C5: variants seen among roughly 807,000 people sequenced by gnomAD.
C5 encodes C3 and PZP-like alpha-2-macroglobulin domain-containing protein 4.
Under a neutral mutation model 218.8 loss-of-function variants are expected in C5, and 140 were observed. That is an observed-to-expected ratio of 0.64 (90% CI 0.56 to 0.74). The LOEUF is 0.74. Among genes scored for constraint, C5 ranks in the 30% least tolerant of loss-of-function variants. C5 has a pLI of 0.00. For synonymous variants in C5, 614 were observed against 682.3 expected (o/e 0.90, Z 1.56); for missense variants, 1,700 against 1,969.6 (o/e 0.86, Z 2.59).
chr9:121,052,516 A>C (rs1000787757), upstream of C5, among the ~76,000 whole-genome samples: 3 of 151,910 alleles, frequency 2.0e-5, no homozygotes, highest in Non-Finnish European at 4.4e-5. Flanking sequence ...ACCTTTGGTA[A>C]GCCTTTCATT....
chr9:120,983,068 T>C (rs1443095511), intron 25 of C5, among the ~76,000 whole-genome samples: 1 of 152,188 alleles, frequency 6.6e-6, no homozygotes, highest in African/African-American at 2.4e-5. Context: ...TGATTCCTGA[T>C]GATAAGAATT....
chr9:120,961,723 C>G (rs1392730060), intron 36 of C5, among the ~76,000 whole-genome samples, 158 bp from the exon 37 acceptor site: 3 of 152,030 alleles, frequency 2.0e-5, no homozygotes, highest in East Asian at 3.8e-4. Flanking sequence ...AATTGGCTGT[C>G]CTGGGAAGGG....
chr9:121,071,660 G>A, the C5 span, among the ~76,000 whole-genome samples: 1 of 152,142 alleles, frequency 6.6e-6, no homozygotes, highest in Admixed American at 6.5e-5. Flanking sequence ...ACTGAAACCT[G>A]GGTGACAGAG....
intron 33 of C5, among the ~76,000 whole-genome samples, chr9:120,968,052 A>G (rs2131677894): frequency 6.6e-6 from 1 of 152,276 alleles, no homozygotes; most frequent in Middle Eastern, 3.4e-3. Context: ...ATGTTTTAGG[A>G]TGGTGGCTGT....
At chr9:120,963,486 A>C in intron 34 of C5, 150 bp downstream of exon 34, 1 of 660,782 alleles carries the variant, frequency 1.5e-6, no homozygotes, top group Non-Finnish European at 2.7e-6. Context: ...CTGGGCAACA[A>C]GAGTGAAAAT....
intron 11 of C5, 91 bp downstream of exon 11, chr9:121,021,418 A>C: frequency 9.8e-7 from 1 of 1,019,572 alleles, no homozygotes; most frequent in Non-Finnish European, 1.5e-6. Flanking sequence ...CTCATGTGTA[A>C]AATCTGCCGC....
intron 11 of C5, 45 bp from the exon 12 acceptor site, chr9:121,020,224 G>T: frequency 7.7e-7 from 1 of 1,304,272 alleles, no homozygotes; most frequent in Non-Finnish European, 1.1e-6. Context: ...GTGATGTAAT[G>T]CTTTCTGTAA....
intron 26 of C5, among the ~76,000 whole-genome samples, chr9:120,982,149 C>T (rs1057271782): frequency 6.6e-6 from 1 of 152,190 alleles, no homozygotes; most frequent in African/African-American, 2.4e-5. Flanking sequence ...GTAGCTGGTA[C>T]TACAGGCGTG....
intron 30 of C5, among the ~76,000 whole-genome samples, chr9:120,973,297 G>A (rs2046928234): frequency 6.6e-6 from 1 of 152,174 alleles, no homozygotes; most frequent in Non-Finnish European, 1.5e-5. Context: ...GCTACCTCAG[G>A]TAGCTGGAAG....
chr9:121,023,549 GT>G, intron 9 of C5, 30 bp from the exon 10 acceptor site: 1 of 1,230,960 alleles, frequency 8.1e-7, no homozygotes, highest in Non-Finnish European at 1.2e-6. Context: ...CATGTTGACA[GT>G]TTTTAGGAGT....
chr9:121,064,981 A>G, the C5 span, among the ~76,000 whole-genome samples: 1 of 152,102 alleles, frequency 6.6e-6, no homozygotes, highest in Non-Finnish European at 1.5e-5. Context: ...GAGGCAGGAG[A>G]ATCGCTTGAA....
rs1049271024 is a variant in C5, at chr9:121,024,113, G to A, written c.1001-594C>T. Among the ~76,000 whole-genome samples the A allele has an allele frequency of 2.6e-4, 37 of 144,770 alleles. 1 individual carries two copies. The highest frequency in any genetic ancestry group is 2.3e-3 in the Admixed American group (33 of 14,360). The allele number at this position is 144,770 out of a possible 152,430, so 95.0% of individuals were successfully genotyped here. On this transcript the variant is annotated intron_variant, in intron 9 of 40. Coordinates refer to ENST00000223642, the MANE Select transcript of C5 (RefSeq NM_001735.3). ...TATATGCCTGTAATCTCAGCTACTC[G>A]GGAGGCTGAGGCAGGAGAATTGCTT...
chr9:120,962,955 C>A lies in C5; in HGVS notation c.4336G>T (p.Val1446Leu). 1 of 1,613,512 alleles carries A rather than the reference C, an allele frequency of 6.2e-7. No individual in the cohort carries two copies. Among genetic ancestry groups the A allele is most frequent in the Non-Finnish European group, 8.5e-7 (1 of 1,179,452 alleles). ...TGGTAATCAGTGAATAGTTGATCCACCCCTTCCACAAGCTAAGGGGGAAAA... is the reference window on the plus strand; with the variant it reads ...TGGTAATCAGTGAATAGTTGATCCAACCCTTCCACAAGCTAAGGGGGAAAA... ...EEDLKALVEG[V>L]DQLFTDYQIK... The change falls in exon 35 of 41, where the codon GTG becomes TTG. Residue 1446 changes from valine (V) to leucine (L), a missense_variant. Val to Leu is a conservative substitution (Grantham distance 32, BLOSUM62 1). Coordinates refer to ENST00000223642, the MANE Select transcript of C5 (RefSeq NM_001735.3).
At chr9:120,980,644 G>C (rs1395358347) in intron 27 of C5, among the ~76,000 whole-genome samples, 1 of 152,024 alleles carries the variant, frequency 6.6e-6, no homozygotes, top group Non-Finnish European at 1.5e-5. Flanking sequence ...AGGCTGGAGT[G>C]CAGTGCTGCG....
At chr9:121,034,589 C>A (rs1587993679) in intron 5 of C5, among the ~76,000 whole-genome samples, 2 of 152,122 alleles carry the variant, frequency 1.3e-5, no homozygotes, top group African/African-American at 4.8e-5. Flanking sequence ...TTCCTCTTCC[C>A]AATTTTTATT....
At chr9:120,979,628 C>T in intron 28 of C5, 1 of 221,852 alleles carries the variant, frequency 4.5e-6, no homozygotes. Context: ...TGGCTCATGC[C>T]TGTGATCCTA....
At chr9:121,022,415 G>GTA (rs2047374043) in intron 10 of C5, among the ~76,000 whole-genome samples, 1 of 147,442 alleles carries the variant, frequency 6.8e-6, no homozygotes, top group African/African-American at 2.5e-5. Flanking sequence ...ACATATTTTA[G>GTA]TATATATATT....
intron 14 of C5, 27 bp from the exon 15 acceptor site, chr9:121,016,410 A>G (rs41309850): frequency 6.2e-7 from 1 of 1,612,576 alleles, no homozygotes; most frequent in Admixed American, 1.7e-5. Flanking sequence ...AATGTTGAGC[A>G]CATTGAGATG....
Position 120,953,777 on chromosome 9 carries a change from T to G in C5, c.4854A>C (p.Leu1618Phe). ...NAELVKGRQY[L>F]IMGKEALQIK... ...TCTGGAGGGCTTCTTTACCCATAAT[T>G]AAGTACTGTCTTCCTTTTACCAGCT... is the stretch of plus-strand genomic sequence containing the variant. The change falls in exon 40 of 41, where the codon TTA becomes TTC. Residue 1618 changes from leucine (L) to phenylalanine (F), a missense_variant. Transcript: ENST00000223642. 2 of 1,614,012 alleles carry G rather than the reference T, an allele frequency of 1.2e-6. No individual in the cohort carries two copies. The highest frequency in any genetic ancestry group is 1.7e-6 in the Non-Finnish European group (2 of 1,179,858).
Sources: gnomAD v4.1 joint callset for allele counts (sites outside exome capture counted in the v4.1 genomes callset) on GRCh38, gnomAD v4.1.1 for gene constraint, MANE v1.5 for transcripts, NCBI Gene and HGNC (gene_info 2026-07-23, HGNC 2026-07-21) for gene names.